GRIK4: variants seen among roughly 807,000 people sequenced by gnomAD.
The protein encoded by GRIK4 is glutamate receptor ionotropic, kainate 4.
Under a neutral mutation model 104.9 loss-of-function variants are expected in GRIK4, and 40 were observed. The observed-to-expected ratio is 0.38, with a 90% CI of 0.30 to 0.50. The LOEUF (loss-of-function observed/expected upper bound fraction) is 0.50, where lower values mean the gene tolerates loss of function less well. Among genes scored for constraint, GRIK4 ranks in the 20% least tolerant of loss-of-function variants. The pLI is 0.93. For synonymous variants in GRIK4, 485 were observed against 524.9 expected, an observed-to-expected ratio of 0.92 and a Z score of 1.04; for missense variants, 1,047 against 1,308.1, an observed-to-expected ratio of 0.80 and a Z score of 3.08.
intron 20 of GRIK4, among the ~76,000 whole-genome samples, chr11:120,982,894 T>C (rs1944675536): frequency 6.6e-6 from 1 of 152,204 alleles, no homozygotes; most frequent in South Asian, 2.1e-4. Flanking sequence ...ACATGGGGCC[T>C]TAACACAACA....
intron 3 of GRIK4, among the ~76,000 whole-genome samples, chr11:120,741,927 T>C (rs1274075582): frequency 6.6e-6 from 1 of 152,200 alleles, no homozygotes; most frequent in Non-Finnish European, 1.5e-5. Context: ...TCTGTGAATA[T>C]GCAATGGCTC....
At chr11:120,824,551 T>G in intron 6 of GRIK4, among the ~76,000 whole-genome samples, 1 of 137,544 alleles carries the variant, frequency 7.3e-6, no homozygotes, top group Non-Finnish European at 1.7e-5. Flanking sequence ...TTTTTTTCTT[T>G]TCTTTTTTTT....
At chr11:120,648,347 C>T (rs971410805) in intron 1 of GRIK4, among the ~76,000 whole-genome samples, 9 of 152,228 alleles carry the variant, frequency 5.9e-5, no homozygotes, top group African/African-American at 2.2e-4. Context: ...ATGGGGTGCC[C>T]TCTGCATGCC....
At chr11:120,655,667 C>T (rs547301874) in intron 2 of GRIK4, among the ~76,000 whole-genome samples, 11 of 152,182 alleles carry the variant, frequency 7.2e-5, no homozygotes, top group East Asian at 1.9e-4. Context: ...CTTGGACAGC[C>T]GGTGGTGGTG....
At chr11:120,707,184 C>T (rs1318183656) in intron 3 of GRIK4, among the ~76,000 whole-genome samples, 5 of 152,140 alleles carry the variant, frequency 3.3e-5, no homozygotes, top group Non-Finnish European at 1.5e-5. Flanking sequence ...AGTAATGAGA[C>T]AAGAACCCTG....
At chr11:120,562,343 G>A (rs1028475964) in intron 1 of GRIK4, among the ~76,000 whole-genome samples, 1 of 152,196 alleles carries the variant, frequency 6.6e-6, no homozygotes, top group Non-Finnish European at 1.5e-5. Context: ...AGTCAACAGG[G>A]ACCCCGGCCT....
chr11:120,692,161 G>T (rs769188771), intron 3 of GRIK4, among the ~76,000 whole-genome samples: 3 of 152,218 alleles, frequency 2.0e-5, no homozygotes, highest in Non-Finnish European at 4.4e-5. Context: ...GTCTTCCATG[G>T]CACTTGCTTG....
At chr11:120,733,364 T>C (rs1352286278) in intron 3 of GRIK4, among the ~76,000 whole-genome samples, 1 of 64,352 alleles carries the variant, frequency 1.6e-5, no homozygotes, top group Admixed American at 1.4e-4. Flanking sequence ...ATTTTGTTAT[T>C]TTTTTTCTGT....
chr11:120,857,404 G>A (rs773972317), intron 8 of GRIK4, among the ~76,000 whole-genome samples: 11 of 152,082 alleles, frequency 7.2e-5, no homozygotes, highest in Non-Finnish European at 1.5e-5. Flanking sequence ...ACATCTGCCC[G>A]TATCCACTTG....
intron 3 of GRIK4, among the ~76,000 whole-genome samples, chr11:120,701,411 A>G (rs529252720): frequency 3.0e-4 from 46 of 152,204 alleles, no homozygotes; most frequent in Non-Finnish European, 6.6e-4. Flanking sequence ...TTCACTTGGC[A>G]TAATTTCCTC....
At chr11:120,972,116 C>G (rs2134765714) in intron 19 of GRIK4, among the ~76,000 whole-genome samples, 1 of 152,156 alleles carries the variant, frequency 6.6e-6, no homozygotes, top group Middle Eastern at 3.4e-3. Context: ...GAATTTTTTT[C>G]CCACCCAAGC....
At chr11:120,828,953 G>T (rs924119611) in intron 6 of GRIK4, among the ~76,000 whole-genome samples, 1 of 152,122 alleles carries the variant, frequency 6.6e-6, no homozygotes, top group Non-Finnish European at 1.5e-5. Context: ...AAGCATCCCC[G>T]GCAGCCTCTG....
chr11:120,833,346 TC>T (rs1370142714), intron 7 of GRIK4, among the ~76,000 whole-genome samples: 1 of 152,078 alleles, frequency 6.6e-6, no homozygotes, highest in Non-Finnish European at 1.5e-5. Context: ...TTCTTCCTTT[TC>T]CTCTGTTTTC....
chr11:120,648,463 G>GA (rs1159397240), intron 1 of GRIK4, among the ~76,000 whole-genome samples: 1 of 152,212 alleles, frequency 6.6e-6, no homozygotes, highest in Non-Finnish European at 1.5e-5. Context: ...TTTGAGGTGA[G>GA]AATCATGGCT....
At chr11:120,849,832 AG>A (rs1432211676) in intron 8 of GRIK4, among the ~76,000 whole-genome samples, 1 of 152,252 alleles carries the variant, frequency 6.6e-6, no homozygotes, top group Non-Finnish European at 1.5e-5. Context: ...ACCTTAAAAC[AG>A]GAGCATTTAT....
At chr11:120,617,539 C>G (rs1949132118) in intron 1 of GRIK4, among the ~76,000 whole-genome samples, 1 of 152,124 alleles carries the variant, frequency 6.6e-6, no homozygotes, top group Non-Finnish European at 1.5e-5. Flanking sequence ...GCCACTACAC[C>G]TGGCTAATTT....
At chr11:120,515,053 G>A (rs1006632291) in intron 1 of GRIK4, 11 of 456,548 alleles carry the variant, frequency 2.4e-5, no homozygotes, top group African/African-American at 2.2e-4. Flanking sequence ...AAGATGCCTT[G>A]CAGGTGAAGG....
At chr11:120,831,426 G>A (rs778992912) in intron 6 of GRIK4, among the ~76,000 whole-genome samples, 17 of 152,300 alleles carry the variant, frequency 1.1e-4, no homozygotes, top group Non-Finnish European at 2.2e-4. Context: ...TGAGGAAACT[G>A]AGGCCAAGAC....
intron 6 of GRIK4, among the ~76,000 whole-genome samples, chr11:120,830,771 T>A (rs1953405823): frequency 6.6e-6 from 1 of 152,190 alleles, no homozygotes; most frequent in African/African-American, 2.4e-5. Context: ...TTGATAAATG[T>A]TGCCCTTATC....
Sources: gnomAD v4.1 joint callset for allele counts (sites outside exome capture counted in the v4.1 genomes callset) on GRCh38, gnomAD v4.1.1 for gene constraint, MANE v1.5 for transcripts, NCBI Gene and HGNC (gene_info 2026-07-23, HGNC 2026-07-21) for gene names.